Variants in MLPH observed in about 807,000 individuals in gnomAD.
The protein encoded by MLPH is exophilin-3.
MLPH carries 51 observed loss-of-function variants against 72.1 expected under a neutral mutation model. The observed-to-expected ratio is 0.71, with a 90% CI of 0.56 to 0.89. The LOEUF (loss-of-function observed/expected upper bound fraction) is 0.89, where lower values mean the gene tolerates loss of function less well. Among genes scored for constraint, MLPH ranks in the 40% least tolerant of loss-of-function variants. The probability of loss-of-function intolerance (pLI) is 0.00; values close to 1 mark genes in which losing one functional copy is unlikely to be tolerated. For missense variants in MLPH, 743 were observed against 759.9 expected, an observed-to-expected ratio of 0.98 and a Z score of 0.26; for synonymous variants, 301 against 310.1, an observed-to-expected ratio of 0.97 and a Z score of 0.31.
chr2:237,500,212 G>C (rs569038582), intron 2 of MLPH, among the ~76,000 whole-genome samples: 1 of 151,926 alleles, frequency 6.6e-6, no homozygotes, highest in Non-Finnish European at 1.5e-5. Context: ...ATTCCCTTTC[G>C]CAGGGTCGAG....
At chr2:237,533,631 A>T (rs1481711214) in intron 8 of MLPH, among the ~76,000 whole-genome samples, 1 of 152,160 alleles carries the variant, frequency 6.6e-6, no homozygotes, top group African/African-American at 2.4e-5. Flanking sequence ...ACCTCAGGTG[A>T]TCTGCCTGAG....
intron 2 of MLPH, among the ~76,000 whole-genome samples, chr2:237,494,218 G>A (rs1016525005): frequency 1.3e-5 from 2 of 151,924 alleles, no homozygotes; most frequent in East Asian, 3.9e-4. Context: ...GGCAGAGGGT[G>A]GAGGGCAGAG....
chr2:237,500,619 G>A (rs1463276298), intron 2 of MLPH, among the ~76,000 whole-genome samples: 2 of 151,980 alleles, frequency 1.3e-5, no homozygotes, highest in Admixed American at 1.3e-4. Context: ...ACGACACTGC[G>A]GCCAAAGTGT....
intron 2 of MLPH, among the ~76,000 whole-genome samples, chr2:237,508,769 C>A (rs990141508): frequency 6.6e-6 from 1 of 152,218 alleles, no homozygotes; most frequent in East Asian, 1.9e-4. Context: ...TTCTTCTCCA[C>A]CTCCACCAGC....
chr2:237,518,168 A>G, intron 4 of MLPH: 1 of 368,870 alleles, frequency 2.7e-6, no homozygotes, highest in Admixed American at 3.8e-5. Context: ...ACATGGATGG[A>G]TGAGCCACTG....
chr2:237,552,263 A>G, intron 14 of MLPH, 74 bp from the exon 15 acceptor site: 1 of 1,225,758 alleles, frequency 8.2e-7, no homozygotes, highest in Non-Finnish European at 1.2e-6. Flanking sequence ...TAAATTTCTG[A>G]GGAGGCCAAG....
intron 10 of MLPH, 41 bp downstream of exon 10, chr2:237,540,574 G>A: frequency 1.3e-6 from 2 of 1,585,938 alleles, no homozygotes; most frequent in Non-Finnish European, 1.7e-6. Flanking sequence ...ACCCTGCAGA[G>A]GTAGGGGCAG....
At chr2:237,545,573 G>A in intron 12 of MLPH, 1 of 1,287,998 alleles carries the variant, frequency 7.8e-7, no homozygotes, top group Non-Finnish European at 1.0e-6. Context: ...GAAATCCTTA[G>A]TCCGCCGCCA....
chr2:237,510,765 G>C lies in MLPH; in HGVS notation c.302G>C (p.Gly101Ala). The C allele has an allele frequency of 6.2e-7, 1 of 1,613,616 alleles. No individual in the cohort carries two copies. The highest frequency in any genetic ancestry group is 1.1e-5 in the South Asian group (1 of 91,080). The stretch of plus-strand genomic sequence containing the variant: ...GGCCGCGTCCACCCGGAGGAGCAGG[G>C]CTGGATCTGTGACCCCTGCCATCTG... Reference protein sequence around the residue: ...SCGRVHPEEQGWICDPCHLAR... With the variant: ...SCGRVHPEEQAWICDPCHLAR... Residue 101 changes from glycine (G) to alanine (A), a missense_variant, in exon 3 of 16, where the codon GGC becomes GCC. Transcript: ENST00000264605. The surrounding 1 kb of genome is among the most constrained non-coding windows in gnomAD (Gnocchi z 4.4).
intron 9 of MLPH, 75 bp downstream of exon 9, chr2:237,534,722 GC>G: frequency 8.5e-7 from 1 of 1,175,940 alleles, no homozygotes; most frequent in Non-Finnish European, 1.3e-6. Context: ...TGTGACATGG[GC>G]TTTTGGGAGA....
chr2:237,543,021 AGTTG>A, intron 12 of MLPH, among the ~76,000 whole-genome samples: 1 of 34,422 alleles, frequency 2.9e-5, no homozygotes, highest in African/African-American at 1.8e-4. Context: ...GACAGTGGTG[AGTTG>A]GGGGACAGTA....
intron 9 of MLPH, 117 bp from the exon 10 acceptor site, chr2:237,540,231 T>C: frequency 8.6e-7 from 1 of 1,159,112 alleles, no homozygotes; most frequent in East Asian, 2.6e-5. Context: ...GGGAGGCAGC[T>C]GAGCTCAGCA....
In MLPH at chr2:237,550,740, G is replaced by A. The variant is rs143944051; in HGVS notation, c.1675+1462G>A. Among the ~76,000 whole-genome samples, 575 of 152,214 alleles carry A rather than the reference G, an allele frequency of 3.8e-3. 7 individuals carry two copies. The highest frequency in any genetic ancestry group is 0.013 in the African/African-American group (538 of 41,534). ...AATTTTGTATCTTTAGTAGAGACGG[G>A]TTTTCACCACGTTGGCCAGGCTGGT... On this transcript the variant is annotated intron_variant, in intron 14 of 15. Coordinates refer to ENST00000264605, the MANE Select transcript of MLPH (RefSeq NM_024101.7).
Position 237,545,224 on chromosome 2 carries a change from G to T in MLPH, c.1540-1382G>T, listed in dbSNP as rs1259936815. 1.1e-4 allele frequency among the ~76,000 whole-genome samples: 16 copies of T among 144,574 alleles called. No individual in the cohort carries two copies. In the East Asian group the frequency reaches 1.3e-3, roughly 11 times the overall value. 94.8% of individuals were successfully genotyped at this position (144,574 alleles called of 152,430 possible). A position where few individuals can be genotyped will look rare whatever the true frequency, so the allele number is the denominator to read the frequency against. The stretch of plus-strand genomic sequence containing the variant: ...GTGGGGACAGTGGTGAGTGGGGACA[G>T]TGGTGAGTGGGGCACAGTGGTGAGT... On this transcript the variant is annotated intron_variant, in intron 12 of 15. Transcript: ENST00000264605.
rs542139956 is a variant in MLPH at position 237,541,142 on chromosome 2, G to A, written c.1446+185G>A. ...GGTTTCTGGGGGACTCACCTAATTC[G>A]CCACCCCCTGAGCCCTCCACCCCTT... On this transcript the variant is annotated intron_variant, in intron 11 of 15. Coordinates refer to ENST00000264605, the MANE Select transcript of MLPH (RefSeq NM_024101.7). The surrounding 1 kb of genome is among the most constrained non-coding windows in gnomAD (Gnocchi z 5.1). Among the ~76,000 whole-genome samples the A allele has an allele frequency of 1.9e-4, 29 of 152,212 alleles. No homozygotes were observed. Among genetic ancestry groups the A allele is most frequent in the Admixed American group, 1.4e-3 (22 of 15,282 alleles).
intron 9 of MLPH, among the ~76,000 whole-genome samples, chr2:237,538,340 G>T (rs1230491240): frequency 6.6e-6 from 1 of 152,208 alleles, no homozygotes; most frequent in Non-Finnish European, 1.5e-5. Context: ...CCAAATGTGG[G>T]ACTCGAAGCA....
intron 11 of MLPH, among the ~76,000 whole-genome samples, chr2:237,542,014 C>A (rs1324207697): frequency 1.3e-5 from 2 of 152,152 alleles, no homozygotes; most frequent in East Asian, 3.9e-4. Flanking sequence ...GCCGTGAAAC[C>A]CCCACACCAG....
chr2:237,501,124 G>T (rs1029044434), intron 2 of MLPH, among the ~76,000 whole-genome samples: 2 of 152,100 alleles, frequency 1.3e-5, no homozygotes, highest in Admixed American at 1.3e-4. Flanking sequence ...CCAATGCCCA[G>T]TGAGTCATTT....
chr2:237,516,256 C>G (rs1175996323), intron 4 of MLPH, among the ~76,000 whole-genome samples: 1 of 152,200 alleles, frequency 6.6e-6, no homozygotes, highest in Non-Finnish European at 1.5e-5. Flanking sequence ...CCTGGGGTCC[C>G]TTTCCTAAAT....
Sources: gnomAD v4.1 joint callset for allele counts (sites outside exome capture counted in the v4.1 genomes callset) on GRCh38, gnomAD v4.1.1 for gene constraint, Gnocchi (gnomAD v3.1) non-coding constraint, MANE v1.5 for transcripts, NCBI Gene and HGNC (gene_info 2026-07-23, HGNC 2026-07-21) for gene names.